PRPS2: variants seen among roughly 807,000 people sequenced by gnomAD.
PRPS2 encodes the protein phosphoribosyl pyrophosphate synthetase 2.
For missense variants in PRPS2, 104 were observed against 271.5 expected, an observed-to-expected ratio of 0.38 and a Z score of 4.34; for synonymous variants, 111 against 115.3, an observed-to-expected ratio of 0.96 and a Z score of 0.24.
intron 1 of PRPS2, among the ~76,000 whole-genome samples, chrX:12,796,535 A>G (rs1297127172): frequency 8.9e-6 from 1 of 112,261 alleles, no homozygotes; most frequent in Admixed American, 9.5e-5. Context: ...CTCTTTTAAG[A>G]AAACAATTTC....
rs748992920 is a variant in PRPS2, at chrX:12,822,824, C to G, written c.*28C>G. The G allele has an allele frequency of 5.2e-6, 6 of 1,146,507 alleles. No homozygotes were observed. In the Admixed American group the frequency reaches 1.1e-4, roughly 21 times the overall value. The allele number at this position is 1,146,507 out of a possible 1,213,427, so 94.5% of individuals were successfully genotyped here. Reference sequence around the variant, plus strand: ...CCAGAATGGGAAGTGTCCAGCAAGCCTACTCTGACTTCTGACTTGTTTTTG... The same window carrying G: ...CCAGAATGGGAAGTGTCCAGCAAGCGTACTCTGACTTCTGACTTGTTTTTG... On this transcript the variant is annotated 3_prime_UTR_variant, in exon 7 of 7. Coordinates refer to ENST00000380668, the MANE Select transcript of PRPS2 (RefSeq NM_002765.5).
intron 2 of PRPS2, among the ~76,000 whole-genome samples, chrX:12,803,387 A>G (rs770861968): frequency 3.5e-5 from 4 of 112,686 alleles, no homozygotes; most frequent in Non-Finnish European, 7.5e-5. Context: ...TTCTGGGCTC[A>G]AGTGATCCTC....
At chrX:12,809,678 G>A (rs189953967) in intron 3 of PRPS2, among the ~76,000 whole-genome samples, 7 of 111,843 alleles carry the variant, frequency 6.3e-5, no homozygotes, top group Admixed American at 2.8e-4. Context: ...GTGCCACTTT[G>A]TGTTATATAA....
Position 12,810,002 on chromosome X carries a change from ACACT to A in PRPS2, c.406-15_406-12del, listed in dbSNP as rs777381296. 9 of 1,159,064 alleles carry A rather than the reference ACACT, an allele frequency of 7.8e-6. No individual in the cohort carries two copies. The highest frequency in any genetic ancestry group is 1.0e-5 in the Non-Finnish European group (9 of 867,969). On this transcript the variant is annotated splice_polypyrimidine_tract_variant and intron_variant, in intron 3 of 6. Coordinates refer to ENST00000380668, the MANE Select transcript of PRPS2 (RefSeq NM_002765.5). Reference sequence around the variant, plus strand: ...AAACAAAACAAAACCCTGCAACATGACACTCACTTCTCCCTTTAGGGATTCTTTG... The same window carrying A: ...AAACAAAACAAAACCCTGCAACATGACACTTCTCCCTTTAGGGATTCTTTG...
chrX:12,810,671 C>G (rs1351208228), intron 4 of PRPS2, among the ~76,000 whole-genome samples: 2 of 110,288 alleles, frequency 1.8e-5, no homozygotes, highest in African/African-American at 6.6e-5. Context: ...TTTTAATACT[C>G]ACCTGGAAAC....
chrX:12,819,661 A>G lies in PRPS2; in HGVS notation c.685A>G (p.Ile229Val), dbSNP rs139259639. 22 of 1,210,012 alleles carry G rather than the reference A, an allele frequency of 1.8e-5. No homozygotes were observed. Among genetic ancestry groups the G allele is most frequent in the African/African-American group, 1.7e-4 (10 of 57,378 alleles). The change falls in exon 5 of 7, where the codon ATC becomes GTC. Residue 229 changes from isoleucine to valine, a missense_variant. By Grantham distance (29) the Ile-to-Val change is conservative. Coordinates refer to ENST00000380668, the MANE Select transcript of PRPS2 (RefSeq NM_002765.5). Reference protein sequence around the residue: ...VDDMADTCGTICHAADKLLSA... With the variant: ...VDDMADTCGTVCHAADKLLSA... The stretch of plus-strand genomic sequence containing the variant: ...TGACATGGCTGACACTTGCGGCACC[A>G]TCTGCCATGCTGCGGACAAGTACGC...
intron 2 of PRPS2, among the ~76,000 whole-genome samples, chrX:12,808,895 A>ATC (rs1035977178): frequency 9.3e-6 from 1 of 107,426 alleles, no homozygotes; most frequent in Non-Finnish European, 1.9e-5. Context: ...TACTACTATC[A>ATC]TCTCTCTCTC....
Position 12,815,344 on chromosome X carries a change from G to C in PRPS2, c.531-4163G>C, listed in dbSNP as rs2042642284. Among the ~76,000 whole-genome samples, 3 of 110,523 alleles carry C rather than the reference G, an allele frequency of 2.7e-5. No homozygotes were observed. The Admixed American group carries it at 2.9e-4, about 11-fold the overall frequency. Reference sequence around the variant, plus strand: ...TGTCTGCTTGTGAGCAGGCTCGTGAGAACAGGCGCCACCTGGCAGAGAGAT... The same window carrying C: ...TGTCTGCTTGTGAGCAGGCTCGTGACAACAGGCGCCACCTGGCAGAGAGAT... On this transcript the variant is annotated intron_variant, in intron 4 of 6. Coordinates refer to ENST00000380668, the MANE Select transcript of PRPS2 (RefSeq NM_002765.5).
At chrX:12,807,094 AG>A (rs1382168952) in intron 2 of PRPS2, among the ~76,000 whole-genome samples, 2 of 28,010 alleles carry the variant, frequency 7.1e-5, no homozygotes, top group Non-Finnish European at 1.1e-4. Context: ...GTGTCCTGGG[AG>A]GGGGGAAAAA....
At chrX:12,807,593 A>G (rs1055321875) in intron 2 of PRPS2, among the ~76,000 whole-genome samples, 1 of 111,661 alleles carries the variant, frequency 9.0e-6, no homozygotes, top group Non-Finnish European at 1.9e-5. Context: ...TTCTGTTAGT[A>G]AATATTTATT....
chrX:12,799,184 C>T (rs1388109654), intron 1 of PRPS2, 23 bp from the exon 2 acceptor site: 4 of 1,203,942 alleles, frequency 3.3e-6, no homozygotes, highest in South Asian at 1.8e-5. Flanking sequence ...CGATATTAAC[C>T]GATGGCAGTT....
At chrX:12,794,768 C>T (rs1480650559) in intron 1 of PRPS2, among the ~76,000 whole-genome samples, 1 of 111,701 alleles carries the variant, frequency 9.0e-6, no homozygotes, top group African/African-American at 3.3e-5. Flanking sequence ...ATTCTCTGTC[C>T]TCCCCTGGAC....
intron 2 of PRPS2, 92 bp from the exon 3 acceptor site, chrX:12,809,142 T>C (rs17281523): frequency 0.054 from 42,762 of 798,007 alleles, 2,609 homozygotes; most frequent in South Asian, 0.32. Context: ...GTTGATTGCA[T>C]CTATGATTTA....
chrX:12,812,613 C>T (rs2042629629), intron 4 of PRPS2, among the ~76,000 whole-genome samples: 1 of 111,565 alleles, frequency 9.0e-6, no homozygotes, highest in African/African-American at 3.3e-5. Flanking sequence ...GGTGACAGGG[C>T]GAGAGTCCGT....
chrX:12,800,049 A>G (rs1426330695), intron 2 of PRPS2, among the ~76,000 whole-genome samples: 2 of 112,554 alleles, frequency 1.8e-5, no homozygotes, highest in African/African-American at 3.2e-5. Flanking sequence ...TCAGAGCAAC[A>G]GAGAAATCGG....
At chrX:12,822,055 G>A (rs1369897809) in intron 6 of PRPS2, among the ~76,000 whole-genome samples, 2 of 112,394 alleles carry the variant, frequency 1.8e-5, no homozygotes, top group Admixed American at 9.4e-5. Context: ...TCAGGATAGC[G>A]ATGTCATATA....
chrX:12,803,274 C>T (rs1357988518), intron 2 of PRPS2, among the ~76,000 whole-genome samples: 1 of 111,624 alleles, frequency 9.0e-6, no homozygotes. Flanking sequence ...TCAGATCTCT[C>T]GCTCACTCTC....
At chrX:12,818,137 G>C (rs1259017297) in intron 4 of PRPS2, among the ~76,000 whole-genome samples, 2 of 110,730 alleles carry the variant, frequency 1.8e-5, no homozygotes, top group African/African-American at 6.6e-5. Flanking sequence ...GGGAAGCTGA[G>C]GTGGGCGGAT....
intron 2 of PRPS2, among the ~76,000 whole-genome samples, chrX:12,803,063 TAAAAC>T (rs1372633563): frequency 8.9e-6 from 1 of 112,085 alleles, no homozygotes; most frequent in East Asian, 2.8e-4. Flanking sequence ...CTGGGTGACT[TAAAAC>T]AACAGAAATA....
Sources: allele counts gnomAD v4.1 joint callset (sites outside exome capture counted in the v4.1 genomes callset), GRCh38; gene constraint gnomAD v4.1.1; transcripts MANE v1.5; gene names NCBI Gene and HGNC (gene_info 2026-07-23, HGNC 2026-07-21).